CRADD: variants seen among roughly 807,000 people sequenced by gnomAD.
The protein encoded by CRADD is CARD and death domain containing adaptor protein, also known as death domain-containing protein CRADD.
In CRADD, 9 loss-of-function variants were observed where a neutral mutation model predicts 15.5. That is an observed-to-expected ratio of 0.58 (90% CI 0.35 to 1.01). CRADD has a LOEUF of 1.01. Ranked by LOEUF, CRADD falls within the 50% of genes least tolerant of loss-of-function variation. CRADD has a pLI of 0.02. For synonymous variants in CRADD, 118 were observed against 107.6 expected (o/e 1.10, Z -0.60); for missense variants, 227 against 250.3 (o/e 0.91, Z 0.63).
intron 2 of CRADD, among the ~76,000 whole-genome samples, chr12:93,717,555 T>C (rs1295089946): frequency 1.3e-5 from 2 of 152,234 alleles, no homozygotes; most frequent in Non-Finnish European, 2.9e-5. Flanking sequence ...AGTTTCGCTC[T>C]GTTGCCTAGG....
At chr12:93,729,901 G>T (rs1031120495) in intron 2 of CRADD, among the ~76,000 whole-genome samples, 1 of 152,076 alleles carries the variant, frequency 6.6e-6, no homozygotes, top group Non-Finnish European at 1.5e-5. Flanking sequence ...TGGCCAAAGG[G>T]TTATTGCCCA....
chr12:93,780,319 GT>G (rs1170589817), intron 2 of CRADD, among the ~76,000 whole-genome samples: 1 of 152,214 alleles, frequency 6.6e-6, no homozygotes, highest in Non-Finnish European at 1.5e-5. Context: ...AATTTCCTGA[GT>G]TTCTATTCAG....
intron 2 of CRADD, among the ~76,000 whole-genome samples, chr12:93,783,957 C>T (rs1316372452): frequency 2.0e-5 from 3 of 152,142 alleles, no homozygotes; most frequent in African/African-American, 7.2e-5. Flanking sequence ...CTCTGGATGT[C>T]AGAACCAGAC....
intron 2 of CRADD, among the ~76,000 whole-genome samples, chr12:93,808,875 G>C (rs1957583022): frequency 6.6e-6 from 1 of 151,488 alleles, no homozygotes; most frequent in Non-Finnish European, 1.5e-5. Flanking sequence ...TCTTTGTGAA[G>C]GCTTCTTTTT....
chr12:93,752,778 G>A (rs146927398), intron 2 of CRADD, among the ~76,000 whole-genome samples: 1,605 of 152,258 alleles, frequency 0.011, 28 homozygotes, highest in African/African-American at 0.037. Context: ...GTATTAGTCT[G>A]TTTTCATGCT....
At chr12:93,882,335 C>T (rs764213954) in intron 2 of CRADD, among the ~76,000 whole-genome samples, 1 of 149,410 alleles carries the variant, frequency 6.7e-6, no homozygotes, top group African/African-American at 2.5e-5. Context: ...GCAGGAGAAT[C>T]GCTTGAACCC....
intron 2 of CRADD, among the ~76,000 whole-genome samples, chr12:93,830,427 T>C (rs2099770281): frequency 6.6e-6 from 1 of 152,202 alleles, no homozygotes; most frequent in African/African-American, 2.4e-5. Context: ...TTTTTTGTTT[T>C]GTTAAACTTT....
intron 2 of CRADD, among the ~76,000 whole-genome samples, chr12:93,688,820 T>C (rs1202101037): frequency 6.6e-6 from 1 of 152,224 alleles, no homozygotes; most frequent in South Asian, 2.1e-4. Context: ...AGTTTTCTCC[T>C]CTTCCTAATT....
intron 2 of CRADD, among the ~76,000 whole-genome samples, chr12:93,857,163 G>A (rs925791491): frequency 1.3e-5 from 2 of 151,712 alleles, no homozygotes; most frequent in Admixed American, 1.3e-4. Context: ...CAACATCTTG[G>A]CAATACTCAT....
At chr12:93,827,488 G>A (rs1957837239) in intron 2 of CRADD, among the ~76,000 whole-genome samples, 1 of 152,122 alleles carries the variant, frequency 6.6e-6, no homozygotes, top group South Asian at 2.1e-4. Flanking sequence ...TTGTTTCGTC[G>A]GCTATTACAA....
At chr12:93,839,346 A>G (rs11107210) in intron 2 of CRADD, among the ~76,000 whole-genome samples, 30,384 of 152,200 alleles carry the variant, frequency 0.2, 3,745 homozygotes, top group Non-Finnish European at 0.28. Flanking sequence ...ACCTATATCT[A>G]TATCTCCCAA....
At chr12:93,797,771 A>G (rs1174691042) in intron 2 of CRADD, among the ~76,000 whole-genome samples, 1 of 152,214 alleles carries the variant, frequency 6.6e-6, no homozygotes, top group African/African-American at 2.4e-5. Context: ...ATGCATAATT[A>G]TATATCAATA....
chr12:93,685,461 A>G (rs1163034431), intron 2 of CRADD, among the ~76,000 whole-genome samples: 1 of 152,176 alleles, frequency 6.6e-6, no homozygotes, highest in Non-Finnish European at 1.5e-5. Context: ...GAAAGAATAA[A>G]TGTTTGACAT....
intron 2 of CRADD, among the ~76,000 whole-genome samples, chr12:93,710,836 C>T (rs1956053034): frequency 6.6e-6 from 1 of 151,738 alleles, no homozygotes; most frequent in African/African-American, 2.4e-5. Context: ...GCTGACAGTC[C>T]TCCTCAGTAT....
At chr12:93,753,843 G>A (rs576332112) in intron 2 of CRADD, among the ~76,000 whole-genome samples, 10 of 152,318 alleles carry the variant, frequency 6.6e-5, no homozygotes, top group Non-Finnish European at 1.3e-4. Context: ...GCTTTTCCAG[G>A]TGCATGGTTC....
chr12:93,819,642 G>A (rs1957747019), intron 2 of CRADD, among the ~76,000 whole-genome samples: 1 of 152,228 alleles, frequency 6.6e-6, no homozygotes, highest in African/African-American at 2.4e-5. Flanking sequence ...TGAGAGGTAA[G>A]CAGGCTAACA....
At chr12:93,688,676 C>G (rs778022581) in intron 2 of CRADD, among the ~76,000 whole-genome samples, 5 of 152,024 alleles carry the variant, frequency 3.3e-5, no homozygotes, top group Non-Finnish European at 7.4e-5. Flanking sequence ...GTATTATTAC[C>G]CTTTTGAACA....
chr12:93,703,329 C>G (rs1335619248), intron 2 of CRADD, among the ~76,000 whole-genome samples: 7 of 150,320 alleles, frequency 4.7e-5, no homozygotes, highest in Non-Finnish European at 8.9e-5. Context: ...GTTCTGTGTT[C>G]TTGGGCAAGT....
chr12:93,759,533 A>AT (rs1365364764), intron 2 of CRADD, among the ~76,000 whole-genome samples: 1 of 152,058 alleles, frequency 6.6e-6, no homozygotes, highest in Non-Finnish European at 1.5e-5. Context: ...CTGTTTGACT[A>AT]TTTTGAAATC....
Sources: allele counts gnomAD v4.1 joint callset (sites outside exome capture counted in the v4.1 genomes callset), GRCh38; gene constraint gnomAD v4.1.1; transcripts MANE v1.5; gene names NCBI Gene and HGNC (gene_info 2026-07-23, HGNC 2026-07-21).